Variants in LSS observed in about 807,000 individuals in gnomAD.
LSS encodes 2,3-epoxysqualene-lanosterol cyclase.
A neutral mutation model predicts 110.3 loss-of-function variants in LSS; 90 were observed. That is an observed-to-expected ratio of 0.82 (90% CI 0.69 to 0.97). LSS has a LOEUF of 0.97. Ranked by LOEUF, LSS falls within the 50% of genes least tolerant of loss-of-function variation. The pLI, the probability that LSS is intolerant of heterozygous loss-of-function variation, is 0.00. For missense variants in LSS, 927 were observed against 990.0 expected (o/e 0.94, Z 0.85); for synonymous variants, 433 against 400.0 (o/e 1.08, Z -0.98).
At chr21:46,203,180 A>C (rs749817222) in intron 17 of LSS, among the ~76,000 whole-genome samples, 39 of 152,270 alleles carry the variant, frequency 2.6e-4, no homozygotes, top group Non-Finnish European at 3.1e-4. Context: ...ACCCCAAGCC[A>C]TGTGGCTCTA....
chr21:46,199,132 A>G (rs993866290), intron 17 of LSS, among the ~76,000 whole-genome samples: 2 of 152,252 alleles, frequency 1.3e-5, no homozygotes, highest in Non-Finnish European at 2.9e-5. Context: ...TGCGAAAGAC[A>G]TATCTGATAA....
chr21:46,208,688 C>T (rs1308313060), intron 13 of LSS, among the ~76,000 whole-genome samples: 1 of 152,230 alleles, frequency 6.6e-6, no homozygotes, highest in African/African-American at 2.4e-5. Context: ...GCCTCTCTCA[C>T]CTCAGTGAGA....
Position 46,219,491 on chromosome 21 carries a change from AG to A in LSS, c.631del (p.Leu211CysfsTer30). ...NVYSWEGLNTLFPEMWLFPDW... is the reference protein window; with the variant it reads ...NVYSWEGLNTXFPEMWLFPDW... ...GCAGACATACCACATCTCTGGGAACAGGGTATTGAGGCCTTCCCAGCTGTAA... is the reference window on the plus strand; with the variant it reads ...GCAGACATACCACATCTCTGGGAACAGGTATTGAGGCCTTCCCAGCTGTAA... On this transcript the variant is annotated frameshift_variant, in exon 6 of 22. Coordinates refer to ENST00000397728, the MANE Select transcript of LSS (RefSeq NM_002340.6). LOFTEE classifies it high-confidence loss of function. The A allele has an allele frequency of 6.3e-7, 1 of 1,595,790 alleles. No individual in the cohort carries two copies. The highest frequency in any genetic ancestry group is 8.5e-7 in the Non-Finnish European group (1 of 1,171,466).
At chr21:46,198,651 C>A (rs1013744172) in intron 17 of LSS, among the ~76,000 whole-genome samples, 3 of 152,028 alleles carry the variant, frequency 2.0e-5, no homozygotes, top group African/African-American at 7.2e-5. Context: ...GCTACAGGAA[C>A]CAAGACAGTG....
At chr21:46,211,714 T>C (rs1601433907) in intron 11 of LSS, among the ~76,000 whole-genome samples, 3 of 152,064 alleles carry the variant, frequency 2.0e-5, no homozygotes, top group Admixed American at 2.0e-4. Context: ...CACAATGGGA[T>C]CGAGCCTCAG....
chr21:46,216,469 G>T lies in LSS; in HGVS notation c.703C>A (p.Gln235Lys). 6.2e-7 allele frequency: 1 copy of T among 1,613,566 alleles called. No homozygotes were observed. Among genetic ancestry groups the T allele is most frequent in the Non-Finnish European group, 8.5e-7 (1 of 1,179,880 alleles). The change falls in exon 7 of 22, where the codon CAG becomes AAG. Residue 235 changes from glutamine (Q) to lysine (K), a missense_variant. Transcript: ENST00000397728. The surrounding 1 kb of genome is among the most constrained non-coding windows in gnomAD (Gnocchi z 4.2). ...CAGTAGCTCATGGGCAGGTACACCT[G>T]CCGGCAGTGGCACCAGAGTGTGGAG... is the stretch of plus-strand genomic sequence containing the variant. ...HPSTLWCHCR[Q>K]VYLPMSYCYA...
In LSS at chr21:46,228,487, G is replaced by T; in HGVS notation, c.127C>A (p.Arg43Ser). 2 of 1,603,198 alleles carry T rather than the reference G, an allele frequency of 1.2e-6. No individual in the cohort carries two copies. The highest frequency in any genetic ancestry group is 1.1e-5 in the South Asian group (1 of 91,034). The change falls in exon 2 of 22, where the codon CGC (arginine) becomes AGC (serine). Residue 43 changes from arginine (R) to serine (S), a missense_variant. Arg to Ser is a moderately radical substitution (Grantham distance 110). Coordinates refer to ENST00000397728, the MANE Select transcript of LSS (RefSeq NM_002340.6). The part of the protein sequence containing the change: ...RQTWTYLQDE[R>S]AGREQTGLEA... ...AGGCCGGTCTGCTCGCGGCCGGCGC[G>T]CTCGTCCTGCAGGTAGGTCCACGTC...
At chr21:46,207,376 C>A (rs2080064964) in intron 15 of LSS, 52 bp downstream of exon 15, 1 of 1,597,542 alleles carries the variant, frequency 6.3e-7, no homozygotes, top group Admixed American at 1.7e-5. Flanking sequence ...GAGCACGCAG[C>A]TCATCTGCAG....
rs780553603 is a variant in LSS, at chr21:46,219,514, G to A, written c.609C>T (p.Tyr203=). The change falls in exon 6 of 22, where the codon TAC becomes TAT. Residue 203 remains tyrosine, a synonymous_variant. Transcript: ENST00000397728. ...GKFWLAVLNV[Y]SWEGLNTLFP... Reference sequence around the variant, plus strand: ...ACAGGGTATTGAGGCCTTCCCAGCTGTAAACATTCAGGACAGCCAGCCAGA... The same window carrying A: ...ACAGGGTATTGAGGCCTTCCCAGCTATAAACATTCAGGACAGCCAGCCAGA... 10 of 1,603,476 alleles carry A rather than the reference G, an allele frequency of 6.2e-6. No individual in the cohort carries two copies. The highest frequency in any genetic ancestry group is 1.7e-6 in the Non-Finnish European group (2 of 1,175,122).
intron 17 of LSS, among the ~76,000 whole-genome samples, chr21:46,202,692 T>C (rs2079994876): frequency 6.6e-6 from 1 of 152,100 alleles, no homozygotes; most frequent in Non-Finnish European, 1.5e-5. Flanking sequence ...AAGACCAGCC[T>C]GAGCAACATT....
Position 46,190,001 on chromosome 21 carries a change from G to A in LSS, c.*1103C>T. 3.4e-6 allele frequency: 1 copy of A among 293,596 alleles called. No individual in the cohort carries two copies. Among genetic ancestry groups the A allele is most frequent in the Non-Finnish European group, 6.7e-6 (1 of 150,230 alleles). 18.2% of individuals were successfully genotyped at this position (293,596 alleles called of 1,614,324 possible). A position where few individuals can be genotyped will look rare whatever the true frequency, so the allele number is the denominator to read the frequency against. On this transcript the variant is annotated 3_prime_UTR_variant, in exon 22 of 22. Coordinates refer to ENST00000397728, the MANE Select transcript of LSS (RefSeq NM_002340.6). The surrounding 1 kb of genome is among the most constrained non-coding windows in gnomAD (Gnocchi z 4.6). ...AAGGGAGCTCACAGGATTGCCTGGG[G>A]AAGCCTCGGCCCAAAACCTGGCCCT...
Position 46,205,744 on chromosome 21 carries a change from T to C in LSS, c.1670+92A>G, listed in dbSNP as rs2839143. The C allele has an allele frequency of 0.15, 147,507 of 958,096 alleles. 12,151 individuals are homozygous for C. The highest frequency in any genetic ancestry group is 0.19 in the Middle Eastern group (796 of 4,208). The allele number at this position is 958,096 out of a possible 1,614,324, so 59.3% of individuals were successfully genotyped here. A position where few individuals can be genotyped will look rare whatever the true frequency, so the allele number is the denominator to read the frequency against. On this transcript the variant is annotated intron_variant, in intron 17 of 21. Coordinates refer to ENST00000397728, the MANE Select transcript of LSS (RefSeq NM_002340.6). ...GTTTCCATGAGTTTCGCTTCTGAGA[T>C]GGGCCACCAGGGCCGTGTCACAGAA...
In LSS at chr21:46,228,509, C is replaced by G. The variant is rs777138282; in HGVS notation, c.105G>C (p.Thr35=). Residue 35 remains threonine (T), a synonymous_variant, in exon 2 of 22, where the codon ACG becomes ACC. Transcript: ENST00000397728. ...CGCGCTCGTCCTGCAGGTAGGTCCA[C>G]GTCTGCCGGCCCCTCTCGCAGTTGA... is the stretch of plus-strand genomic sequence containing the variant. ...WRLNCERGRQ[T]WTYLQDERAG... The G allele has an allele frequency of 1.9e-6, 3 of 1,601,990 alleles. No individual in the cohort carries two copies. Among genetic ancestry groups the G allele is most frequent in the South Asian group, 2.2e-5 (2 of 90,962 alleles).
chr21:46,219,489 A>G lies in LSS; in HGVS notation c.634T>C (p.Phe212Leu). Residue 212 changes from phenylalanine to leucine, a missense_variant, in exon 6 of 22, where the codon TTC becomes CTC. By Grantham distance (22) the Phe-to-Leu change is conservative. Coordinates refer to ENST00000397728, the MANE Select transcript of LSS (RefSeq NM_002340.6). ...CAGCAGACATACCACATCTCTGGGAACAGGGTATTGAGGCCTTCCCAGCTG... is the reference window on the plus strand; with the variant it reads ...CAGCAGACATACCACATCTCTGGGAGCAGGGTATTGAGGCCTTCCCAGCTG... ...VYSWEGLNTL[F>L]PEMWLFPDWA... 1.9e-6 allele frequency: 3 copies of G among 1,596,388 alleles called. No individual in the cohort carries two copies. The highest frequency in any genetic ancestry group is 2.6e-6 in the Non-Finnish European group (3 of 1,171,632).
chr21:46,217,243 C>CAAAAAAAAAAAAAAAAAAAAAAAAAAAAA (rs752647829), intron 6 of LSS, among the ~76,000 whole-genome samples: 1 of 42,428 alleles, frequency 2.4e-5, no homozygotes, highest in Non-Finnish European at 5.5e-5. Context: ...GACTCTGTCT[C>CAAAAAAAAAAAAAAAAAAAAAAAAAAAAA]AAAAAAAAAA....
intron 2 of LSS, 101 bp from the exon 3 acceptor site, chr21:46,227,791 T>G: frequency 7.5e-7 from 1 of 1,330,408 alleles, no homozygotes; most frequent in Non-Finnish European, 1.0e-6. Flanking sequence ...ACAGTGAATG[T>G]AAATTACTTT....
Position 46,222,687 on chromosome 21 carries a change from C to T in LSS, c.371G>A (p.Arg124Lys). Reference sequence around the variant, plus strand: ...CCGCAGGTACCGCACAATCTCTTCTCTGTATCCGGCTGGCAGAGGGATGCG... The same window carrying T: ...CCGCAGGTACCGCACAATCTCTTCTTTGTATCCGGCTGGCAGAGGGATGCG... ...VARIPLPAGY[R>K]EEIVRYLRSV... Residue 124 changes from arginine (R) to lysine (K), a missense_variant, in exon 4 of 22, where the codon AGA (arginine) becomes AAA (lysine). Arg to Lys is a conservative substitution (Grantham distance 26, BLOSUM62 2). Coordinates refer to ENST00000397728, the MANE Select transcript of LSS (RefSeq NM_002340.6). 2 of 1,613,970 alleles carry T rather than the reference C, an allele frequency of 1.2e-6. No individual in the cohort carries two copies. Among genetic ancestry groups the T allele is most frequent in the Non-Finnish European group, 1.7e-6 (2 of 1,180,036 alleles).
chr21:46,202,114 G>C (rs2079985859), intron 17 of LSS, among the ~76,000 whole-genome samples: 1 of 139,172 alleles, frequency 7.2e-6, no homozygotes, highest in Non-Finnish European at 1.6e-5. Context: ...CTTAATATAG[G>C]CCGGGCGCGG....
chr21:46,204,748 A>G (rs1291399250), intron 17 of LSS, among the ~76,000 whole-genome samples: 1 of 152,226 alleles, frequency 6.6e-6, no homozygotes, highest in Non-Finnish European at 1.5e-5. Flanking sequence ...AGGCAGAAAT[A>G]TTATGAATAT....
Sources: allele counts gnomAD v4.1 joint callset (sites outside exome capture counted in the v4.1 genomes callset), GRCh38; gene constraint gnomAD v4.1.1; non-coding constraint Gnocchi (gnomAD v3.1); transcripts MANE v1.5; gene names NCBI Gene and HGNC (gene_info 2026-07-23, HGNC 2026-07-21).